Variants in THSD7B observed in about 807,000 individuals in gnomAD.
The protein encoded by THSD7B is thrombospondin type-1 domain-containing protein 7B.
Under a neutral mutation model 213.6 loss-of-function variants are expected in THSD7B, and 138 were observed. The ratio of observed to expected loss-of-function variants is 0.65; its 90% CI spans 0.56 to 0.74. The LOEUF (loss-of-function observed/expected upper bound fraction) is 0.74, where lower values mean the gene tolerates loss of function less well. Ranked by LOEUF, THSD7B falls within the 30% of genes least tolerant of loss-of-function variation. THSD7B has a pLI of 0.00. For synonymous variants in THSD7B, 742 were observed against 687.0 expected (o/e 1.08, Z -1.25); for missense variants, 1,931 against 1,991.5 (o/e 0.97, Z 0.58).
chr2:137,196,514 T>A (rs72852257), intron 7 of THSD7B, among the ~76,000 whole-genome samples: 42,259 of 151,604 alleles, frequency 0.28, 6,601 homozygotes, highest in Non-Finnish European at 0.35. Context: ...ATGTCATAGT[T>A]TGATCCCTAA....
intron 12 of THSD7B, among the ~76,000 whole-genome samples, chr2:137,313,696 G>A (rs560692419): frequency 5.3e-5 from 8 of 152,000 alleles, no homozygotes; most frequent in South Asian, 2.1e-4. Context: ...TTTTAGAGCC[G>A]GCCTGGTGGT....
intron 3 of THSD7B, among the ~76,000 whole-genome samples, chr2:137,073,242 T>C (rs1040929419): frequency 2.6e-5 from 4 of 152,188 alleles, no homozygotes; most frequent in African/African-American, 9.7e-5. Flanking sequence ...CCTGGACTTT[T>C]TTTGGTTGGC....
At chr2:137,003,167 G>A (rs1279825416) in intron 2 of THSD7B, among the ~76,000 whole-genome samples, 5 of 152,142 alleles carry the variant, frequency 3.3e-5, no homozygotes, top group African/African-American at 9.7e-5. Flanking sequence ...TTATGTTCTC[G>A]TGCTGATGGA....
chr2:137,296,708 T>C (rs1034650790), intron 12 of THSD7B, among the ~76,000 whole-genome samples: 5 of 152,158 alleles, frequency 3.3e-5, no homozygotes, highest in Admixed American at 3.3e-4. Flanking sequence ...TCTAAAAATG[T>C]CCTCAACTCC....
At chr2:136,894,235 G>A (rs547778) in intron 2 of THSD7B, among the ~76,000 whole-genome samples, 150,665 of 152,344 alleles carry the variant, frequency 0.99, 74,524 homozygotes, top group South Asian at 1. Flanking sequence ...AAATATATGT[G>A]CTATGTTGCA....
intron 12 of THSD7B, among the ~76,000 whole-genome samples, chr2:137,342,554 T>C (rs1051349914): frequency 1.3e-5 from 2 of 151,714 alleles, no homozygotes; most frequent in African/African-American, 4.8e-5. Flanking sequence ...CTGTGTTACA[T>C]AGAAGTTGCT....
intron 15 of THSD7B, among the ~76,000 whole-genome samples, chr2:137,498,336 T>C (rs1679619934): frequency 4.4e-5 from 1 of 22,582 alleles, no homozygotes; most frequent in South Asian, 1.2e-3. Flanking sequence ...CAGTAAAGTC[T>C]TTTTTTTTTT....
chr2:137,271,673 CTAACTAGTCGT>C (rs1340941094), intron 10 of THSD7B, among the ~76,000 whole-genome samples: 1 of 151,776 alleles, frequency 6.6e-6, no homozygotes, highest in Non-Finnish European at 1.5e-5. Flanking sequence ...GCAATGTCTT[CTAACTAGTCGT>C]ATATATGTCT....
chr2:137,509,027 C>T (rs1232685843), intron 15 of THSD7B, among the ~76,000 whole-genome samples: 1 of 152,140 alleles, frequency 6.6e-6, no homozygotes, highest in Non-Finnish European at 1.5e-5. Flanking sequence ...GGCAGGTTGA[C>T]ACTAATTCCT....
intron 15 of THSD7B, among the ~76,000 whole-genome samples, chr2:137,521,582 C>A (rs1207657829): frequency 6.6e-6 from 1 of 152,166 alleles, no homozygotes; most frequent in East Asian, 1.9e-4. Flanking sequence ...GTGGGCTTTA[C>A]TGGTACAGGG....
intron 12 of THSD7B, among the ~76,000 whole-genome samples, chr2:137,390,460 A>G (rs960037928): frequency 6.6e-5 from 10 of 152,160 alleles, no homozygotes; most frequent in African/African-American, 2.2e-4. Flanking sequence ...TTTTTGAAAT[A>G]TAAAATCATG....
At chr2:137,126,844 G>A (rs1232937579) in intron 5 of THSD7B, among the ~76,000 whole-genome samples, 2 of 152,008 alleles carry the variant, frequency 1.3e-5, no homozygotes, top group African/African-American at 4.8e-5. Context: ...AGTCATGGTA[G>A]GGTTATTAAT....
intron 15 of THSD7B, among the ~76,000 whole-genome samples, chr2:137,546,405 T>TA (rs1558834285): frequency 6.0e-4 from 16 of 26,838 alleles, no homozygotes; most frequent in African/African-American, 2.6e-3. Flanking sequence ...TTATATATAT[T>TA]ATATATATAT....
chr2:137,110,644 C>G (rs1688331835), intron 4 of THSD7B, among the ~76,000 whole-genome samples: 2 of 152,160 alleles, frequency 1.3e-5, no homozygotes, highest in Non-Finnish European at 2.9e-5. Flanking sequence ...CTTGAAAAGA[C>G]ATTCTTTTTC....
chr2:137,101,614 G>A (rs1688152085), intron 4 of THSD7B, among the ~76,000 whole-genome samples: 1 of 152,142 alleles, frequency 6.6e-6, no homozygotes, highest in South Asian at 2.1e-4. Context: ...CACCCCTATG[G>A]AGCCCAGCAA....
intron 1 of THSD7B, among the ~76,000 whole-genome samples, chr2:136,877,801 CT>C (rs747178791): frequency 1.3e-5 from 2 of 152,006 alleles, no homozygotes; most frequent in Non-Finnish European, 2.9e-5. Context: ...CCCAACAGTG[CT>C]TGGGAGCAGG....
At position 136,809,114 on chromosome 2, in the gene THSD7B, CATATA is replaced by C. The variant is rs1459629160; in HGVS notation, c.-36+43435_-36+43439del. Among the ~76,000 whole-genome samples the C allele has an allele frequency of 7.9e-5, 12 of 152,186 alleles. No homozygotes were observed. The East Asian group carries it at 9.7e-4, about 12-fold the overall frequency. On this transcript the variant is annotated intron_variant, in intron 1 of 27. Coordinates refer to ENST00000409968, the MANE Select transcript of THSD7B (RefSeq NM_001316349.2). The stretch of plus-strand genomic sequence containing the variant: ...AAGGGAGAGGAATTTTTCATATAAA[CATATA>C]ATATAATGTAATGAACTTTATAAAG...
intron 12 of THSD7B, among the ~76,000 whole-genome samples, chr2:137,302,515 A>G (rs1354368074): frequency 1.3e-5 from 2 of 152,156 alleles, no homozygotes; most frequent in African/African-American, 4.8e-5. Flanking sequence ...TTACAAGAGC[A>G]TGCCATCGTG....
At chr2:137,560,528 C>G (rs1681089288) in intron 15 of THSD7B, among the ~76,000 whole-genome samples, 1 of 151,992 alleles carries the variant, frequency 6.6e-6, no homozygotes, top group Non-Finnish European at 1.5e-5. Context: ...CACATGGACA[C>G]AGGAGGGGGA....
Sources: gnomAD v4.1 joint callset for allele counts (sites outside exome capture counted in the v4.1 genomes callset) on GRCh38, gnomAD v4.1.1 for gene constraint, MANE v1.5 for transcripts, NCBI Gene and HGNC (gene_info 2026-07-23, HGNC 2026-07-21) for gene names.